Variants in TANC1 observed in about 807,000 individuals in gnomAD.
TANC1 encodes the protein protein TANC1.
Under a neutral mutation model 149.7 loss-of-function variants are expected in TANC1, and 77 were observed. That is an observed-to-expected ratio of 0.51 (90% CI 0.43 to 0.62). The LOEUF (loss-of-function observed/expected upper bound fraction) is 0.62, where lower values mean the gene tolerates loss of function less well. Among genes scored for constraint, TANC1 ranks in the 20% least tolerant of loss-of-function variants. TANC1 has a pLI of 0.00. For missense variants in TANC1, 1,985 were observed against 2,321.8 expected (o/e 0.85, Z 2.98); for synonymous variants, 854 against 925.0 (o/e 0.92, Z 1.39).
intron 2 of TANC1, among the ~76,000 whole-genome samples, chr2:159,062,069 C>T (rs2042274945): frequency 2.0e-5 from 3 of 152,082 alleles, no homozygotes; most frequent in Admixed American, 2.0e-4. Context: ...GAAACCCCGT[C>T]TCTACTAAAA....
At chr2:159,141,730 G>A (rs2051391871) in intron 5 of TANC1, among the ~76,000 whole-genome samples, 1 of 152,212 alleles carries the variant, frequency 6.6e-6, no homozygotes, top group Admixed American at 6.5e-5. Flanking sequence ...AGTTACAGTA[G>A]GGAAACAGGT....
At chr2:159,062,224 T>A (rs771366446) in intron 2 of TANC1, among the ~76,000 whole-genome samples, 11 of 152,068 alleles carry the variant, frequency 7.2e-5, no homozygotes, top group Middle Eastern at 3.2e-3. Flanking sequence ...GGCAATAAAG[T>A]GAGACTCCTT....
intron 3 of TANC1, among the ~76,000 whole-genome samples, chr2:159,093,685 G>A (rs2045783982): frequency 6.6e-6 from 1 of 151,952 alleles, no homozygotes; most frequent in Non-Finnish European, 1.5e-5. Context: ...AGAACAACAT[G>A]TTTGAGAGTG....
At position 159,219,262 on chromosome 2, in the gene TANC1, G is replaced by T; in HGVS notation, c.3403G>T (p.Gly1135Cys). 2 of 1,614,178 alleles carry T rather than the reference G, an allele frequency of 1.2e-6. No homozygotes were observed. Among genetic ancestry groups the T allele is most frequent in the South Asian group, 2.2e-5 (2 of 91,070 alleles). The change falls in exon 21 of 27, where the codon GGC becomes TGC. Residue 1135 changes from glycine to cysteine, a missense_variant. Physicochemically the swap from Gly to Cys is radical, Grantham distance 159 (BLOSUM62 -3). Coordinates refer to ENST00000263635, the MANE Select transcript of TANC1 (RefSeq NM_033394.3). ...WQIVRLLLER[G>C]CDVNLSDKQG... ...GATTGTTAGACTGCTGTTGGAACGCGGCTGTGATGTGAACCTAAGTGACAA... is the reference window on the plus strand; with the variant it reads ...GATTGTTAGACTGCTGTTGGAACGCTGCTGTGATGTGAACCTAAGTGACAA...
At chr2:159,175,966 C>G (rs1360395823) in intron 12 of TANC1, among the ~76,000 whole-genome samples, 1 of 152,200 alleles carries the variant, frequency 6.6e-6, no homozygotes, top group Non-Finnish European at 1.5e-5. Context: ...GTCAGTTTCC[C>G]TTCCCTGGAA....
At chr2:159,047,194 C>CG (rs919351134) in intron 2 of TANC1, among the ~76,000 whole-genome samples, 1 of 150,812 alleles carries the variant, frequency 6.6e-6, no homozygotes, top group African/African-American at 2.4e-5. Context: ...CATTTCCCCC[C>CG]CCCAGTTATT....
In TANC1 at chr2:159,178,705, C is replaced by T. The variant is rs201508550; in HGVS notation, c.2052C>T (p.Ala684=). 42 of 1,614,030 alleles carry T rather than the reference C, an allele frequency of 2.6e-5. No individual in the cohort carries two copies. The East Asian group carries it at 6.2e-4, about 24-fold the overall frequency. ...ILSNISLNGK[A]DATLIGKVSS... ...GCAACATCTCCCTGAATGGCAAGGC[C>T]GATGCCACACTCATTGGAAAAGTGA... Residue 684 remains alanine, a synonymous_variant, in exon 14 of 27, where the codon GCC becomes GCT. Coordinates refer to ENST00000263635, the MANE Select transcript of TANC1 (RefSeq NM_033394.3).
intron 2 of TANC1, among the ~76,000 whole-genome samples, chr2:159,041,808 C>T (rs543394111): frequency 3.9e-5 from 6 of 152,312 alleles, no homozygotes; most frequent in South Asian, 2.1e-4. Context: ...CCACCCAGTC[C>T]CAGCTGAGAT....
Position 159,204,794 on chromosome 2 carries a change from T to C in TANC1, c.3244+5741T>C, listed in dbSNP as rs778458132. On this transcript the variant is annotated intron_variant, in intron 19 of 26. Coordinates refer to ENST00000263635, the MANE Select transcript of TANC1 (RefSeq NM_033394.3). ...TTGTTGAATACTTTCTAAAGGAGTTTAGTCAGGTAAATAATTTTTATTGTC... is the reference window on the plus strand; with the variant it reads ...TTGTTGAATACTTTCTAAAGGAGTTCAGTCAGGTAAATAATTTTTATTGTC... Among the ~76,000 whole-genome samples, 21 of 152,342 alleles carry C rather than the reference T, an allele frequency of 1.4e-4. 1 individual carries two copies. Among genetic ancestry groups the C allele is most frequent in the Admixed American group, 1.3e-3 (20 of 15,302 alleles).
At chr2:159,164,186 A>C (rs2054342800) in intron 8 of TANC1, among the ~76,000 whole-genome samples, 1 of 152,178 alleles carries the variant, frequency 6.6e-6, no homozygotes, top group Non-Finnish European at 1.5e-5. Context: ...TCAAGCAAGG[A>C]GAATACAGTC....
chr2:159,012,253 C>G (rs1365858667), intron 2 of TANC1, among the ~76,000 whole-genome samples: 3 of 152,162 alleles, frequency 2.0e-5, no homozygotes, highest in East Asian at 3.8e-4. Context: ...AAACCCTAAC[C>G]TTGTTGCTGA....
rs761129095 is a variant in TANC1, at chr2:159,163,276, A to G, written c.683-7A>G. 3.1e-6 allele frequency: 5 copies of G among 1,611,096 alleles called. No individual in the cohort carries two copies. Among genetic ancestry groups the G allele is most frequent in the Non-Finnish European group, 3.4e-6 (4 of 1,177,932 alleles). On this transcript the variant is annotated splice_region_variant and splice_polypyrimidine_tract_variant and intron_variant, in intron 7 of 26. Transcript: ENST00000263635. ...CTCCTTCAAAGTATTTTGGTCTTTCATTTCAGCCACAATTACAAGTTCATC... is the reference window on the plus strand; with the variant it reads ...CTCCTTCAAAGTATTTTGGTCTTTCGTTTCAGCCACAATTACAAGTTCATC...
Position 159,174,984 on chromosome 2 carries a change from A to G in TANC1, c.1535A>G (p.Asn512Ser). The change falls in exon 12 of 27, where the codon AAC (asparagine) becomes AGC (serine). Residue 512 changes from asparagine (N) to serine (S), a missense_variant. Physicochemically the swap from Asn to Ser is conservative, Grantham distance 46 (BLOSUM62 1). Coordinates refer to ENST00000263635, the MANE Select transcript of TANC1 (RefSeq NM_033394.3). ...GCCTACCACTACTGCCAGGCTGACA[A>G]CACGTACACTTGCCTGGTGCCCGAG... is the stretch of plus-strand genomic sequence containing the variant. ...VVAYHYCQAD[N>S]TYTCLVPEFV... is the part of the protein sequence containing the mutation. 5 of 1,614,088 alleles carry G rather than the reference A, an allele frequency of 3.1e-6. No homozygotes were observed. The highest frequency in any genetic ancestry group is 4.2e-6 in the Non-Finnish European group (5 of 1,180,010).
rs574652149 is a variant in TANC1 at position 159,226,100 on chromosome 2, G to A, written c.3903+321G>A. The A allele has an allele frequency of 4.3e-4, 145 of 338,774 alleles. 1 individual carries two copies. The highest frequency in any genetic ancestry group is 3.7e-3 in the South Asian group (144 of 38,406). 21.0% of individuals were successfully genotyped at this position (338,774 alleles called of 1,614,324 possible). A position where few individuals can be genotyped will look rare whatever the true frequency, so the allele number is the denominator to read the frequency against. ...CAGGAGAATTGTTTCAATCTGGGAG[G>A]CAGAGGTTGCAGTGAGCTGAGATTG... On this transcript the variant is annotated intron_variant, in intron 24 of 26. Transcript: ENST00000263635.
chr2:159,063,841 G>A lies in TANC1; in HGVS notation c.-15-2055G>A, dbSNP rs576690289. ...GTCAGTGTCACCTAGTCCTTGCCCC[G>A]TGTGATGCCTATTCTGAGTGGCCTG... On this transcript the variant is annotated intron_variant, in intron 2 of 26. Coordinates refer to ENST00000263635, the MANE Select transcript of TANC1 (RefSeq NM_033394.3). Among the ~76,000 whole-genome samples, 9 of 152,252 alleles carry A rather than the reference G, an allele frequency of 5.9e-5. No individual in the cohort carries two copies. The South Asian group carries it at 1.0e-3, about 18-fold the overall frequency.
At chr2:159,177,772 C>G (rs1358701665) in intron 13 of TANC1, among the ~76,000 whole-genome samples, 1 of 152,168 alleles carries the variant, frequency 6.6e-6, no homozygotes, top group South Asian at 2.1e-4. Context: ...CAAAACTCTT[C>G]TTTGCTTTTA....
chr2:159,101,257 A>G (rs894669807), intron 4 of TANC1, among the ~76,000 whole-genome samples: 6 of 152,252 alleles, frequency 3.9e-5, no homozygotes, highest in African/African-American at 1.4e-4. Flanking sequence ...TAGGGACTGG[A>G]ACAATTATTC....
In TANC1 at chr2:159,169,343, C is replaced by T. The variant is rs754400952; in HGVS notation, c.1040C>T (p.Thr347Met). 2.4e-5 allele frequency: 38 copies of T among 1,613,590 alleles called. No homozygotes were observed. Among genetic ancestry groups the T allele is most frequent in the Non-Finnish European group, 2.8e-5 (33 of 1,179,740 alleles). Residue 347 changes from threonine (T) to methionine (M), a missense_variant, in exon 9 of 27, where the codon ACG becomes ATG. Coordinates refer to ENST00000263635, the MANE Select transcript of TANC1 (RefSeq NM_033394.3). ...TCAATTAGATTACCATGGCACAATACGGCCGGAGGTAGGGCACAGGAAGTT... is the reference window on the plus strand; with the variant it reads ...TCAATTAGATTACCATGGCACAATATGGCCGGAGGTAGGGCACAGGAAGTT... ...RTSIRLPWHN[T>M]AGGRAQEVKA... is the part of the protein sequence containing the mutation.
At chr2:159,181,383 C>G (rs2056455857) in intron 14 of TANC1, among the ~76,000 whole-genome samples, 1 of 151,918 alleles carries the variant, frequency 6.6e-6, no homozygotes, top group Non-Finnish European at 1.5e-5. Context: ...GCAGGCTCCG[C>G]CCCCTGGGGT....
Sources: gnomAD v4.1 joint callset for allele counts (sites outside exome capture counted in the v4.1 genomes callset) on GRCh38, gnomAD v4.1.1 for gene constraint, MANE v1.5 for transcripts, NCBI Gene and HGNC (gene_info 2026-07-23, HGNC 2026-07-21) for gene names.